The following DCC variants were observed in gnomAD, a reference collection of about 807,000 sequenced individuals.
DCC encodes the protein netrin receptor DCC.
In DCC, 58 loss-of-function variants were observed where a neutral mutation model predicts 172.5. The ratio of observed to expected loss-of-function variants is 0.34; its 90% CI spans 0.27 to 0.42. The LOEUF (loss-of-function observed/expected upper bound fraction) is 0.42, where lower values mean the gene tolerates loss of function less well. DCC is among the 10% of genes least tolerant of loss of function. The probability of loss-of-function intolerance (pLI) is 1.00; values close to 1 mark genes in which losing one functional copy is unlikely to be tolerated. For missense variants in DCC, 1,740 were observed against 1,791.0 expected (o/e 0.97, Z 0.51); for synonymous variants, 709 against 644.5 (o/e 1.10, Z -1.52).
At chr18:53,499,273 A>G (rs1255993660) in intron 26 of DCC, 25 bp from the exon 27 acceptor site, 1 of 1,612,494 alleles carries the variant, frequency 6.2e-7, no homozygotes. Flanking sequence ...GGAATAATGA[A>G]TGACTTTTCT....
intron 15 of DCC, among the ~76,000 whole-genome samples, chr18:53,351,354 G>GTATATATATACTGTA (rs2057799391): frequency 5.4e-5 from 2 of 37,176 alleles, no homozygotes; most frequent in Non-Finnish European, 1.4e-4. Context: ...TATATACACA[G>GTATATATATACTGTA]TATATATATA....
chr18:53,047,428 CATATATATATATATATATATATATAT>C (rs58797605), intron 5 of DCC, among the ~76,000 whole-genome samples: 1 of 50,038 alleles, frequency 2.0e-5, no homozygotes, highest in Non-Finnish European at 4.0e-5. Flanking sequence ...ATATATTTTA[CATATATATATATATATATATATATAT>C]ATATATATAC....
chr18:52,557,314 G>C (rs1300734032), intron 1 of DCC, among the ~76,000 whole-genome samples: 2 of 152,132 alleles, frequency 1.3e-5, no homozygotes, highest in Non-Finnish European at 2.9e-5. Context: ...ACAGTACTTA[G>C]ATTATCCAAA....
Position 53,157,249 on chromosome 18 carries a change from G to A in DCC, c.1262-107G>A, listed in dbSNP as rs1359879908. On this transcript the variant is annotated intron_variant, in intron 7 of 28. Transcript: ENST00000442544. The stretch of plus-strand genomic sequence containing the variant: ...GTTTTCTTCCTTGCTTTAGAATCAA[G>A]GTGACTATGACATGGAGATGCTTGC... 6 of 1,329,310 alleles carry A rather than the reference G, an allele frequency of 4.5e-6. No individual in the cohort carries two copies. The Admixed American group carries it at 6.7e-5, about 15-fold the overall frequency. The allele number at this position is 1,329,310 out of a possible 1,614,324, so 82.3% of individuals were successfully genotyped here.
intron 1 of DCC, among the ~76,000 whole-genome samples, chr18:52,685,918 T>C (rs2035825192): frequency 6.6e-6 from 1 of 152,098 alleles, no homozygotes; most frequent in Admixed American, 6.6e-5. Context: ...AGAAAGATTC[T>C]TATATGGGAG....
At chr18:52,386,084 G>T (rs1189492781) in intron 1 of DCC, among the ~76,000 whole-genome samples, 1 of 152,028 alleles carries the variant, frequency 6.6e-6, no homozygotes, top group Admixed American at 6.6e-5. Flanking sequence ...TCTAGCATAA[G>T]GTCAGAACTC....
chr18:53,131,434 G>A (rs1258674283), intron 7 of DCC, among the ~76,000 whole-genome samples: 2 of 152,120 alleles, frequency 1.3e-5, no homozygotes, highest in East Asian at 3.9e-4. Flanking sequence ...ACAAAGATAA[G>A]TTATAAATTA....
At chr18:52,576,894 T>C (rs1299377460) in intron 1 of DCC, among the ~76,000 whole-genome samples, 1 of 152,122 alleles carries the variant, frequency 6.6e-6, no homozygotes, top group African/African-American at 2.4e-5. Context: ...TATGCATCCT[T>C]CCTGTCCTTC....
At chr18:52,919,458 T>C (rs941658196) in intron 3 of DCC, among the ~76,000 whole-genome samples, 6 of 152,216 alleles carry the variant, frequency 3.9e-5, no homozygotes, top group Non-Finnish European at 7.3e-5. Flanking sequence ...ACCAAACTTA[T>C]TGGGGAAATA....
At chr18:53,354,851 A>G (rs1314593714) in intron 15 of DCC, among the ~76,000 whole-genome samples, 1 of 145,780 alleles carries the variant, frequency 6.9e-6, no homozygotes, top group African/African-American at 2.6e-5. Context: ...GTCCTTGCCC[A>G]TGCCTATGTC....
At chr18:53,285,450 C>T (rs994712599) in intron 12 of DCC, among the ~76,000 whole-genome samples, 6 of 152,194 alleles carry the variant, frequency 3.9e-5, no homozygotes, top group Non-Finnish European at 8.8e-5. Context: ...CGTTTTTAAG[C>T]CTGCAGGTAC....
intron 1 of DCC, among the ~76,000 whole-genome samples, chr18:52,466,344 G>A (rs567592935): frequency 4.1e-4 from 62 of 152,206 alleles, no homozygotes; most frequent in African/African-American, 1.5e-3. Flanking sequence ...TTAAATCAAC[G>A]AAGTACAGCT....
intron 1 of DCC, among the ~76,000 whole-genome samples, chr18:52,673,655 A>C (rs11872367): frequency 0.02 from 3,095 of 152,278 alleles, 53 homozygotes; most frequent in East Asian, 0.052. Flanking sequence ...AGGGGAGTAA[A>C]TAAGGCCTTT....
At chr18:53,096,283 G>A (rs1447821677) in intron 7 of DCC, among the ~76,000 whole-genome samples, 3 of 152,086 alleles carry the variant, frequency 2.0e-5, no homozygotes, top group African/African-American at 7.2e-5. Flanking sequence ...AGGTTACAGC[G>A]AGCTATGATT....
intron 5 of DCC, among the ~76,000 whole-genome samples, chr18:53,055,206 G>T (rs2042387739): frequency 6.6e-6 from 1 of 152,112 alleles, no homozygotes; most frequent in Admixed American, 6.6e-5. Context: ...GTAGCTTAGT[G>T]AATTCATATC....
intron 2 of DCC, among the ~76,000 whole-genome samples, chr18:52,828,761 T>G (rs145387101): frequency 0.01 from 1,534 of 152,298 alleles, 9 homozygotes; most frequent in Non-Finnish European, 0.017. Flanking sequence ...ATCTTTTGGT[T>G]TGGATGCTTC....
intron 2 of DCC, among the ~76,000 whole-genome samples, chr18:52,786,410 T>C (rs899919066): frequency 6.6e-6 from 1 of 151,428 alleles, no homozygotes; most frequent in Admixed American, 6.6e-5. Flanking sequence ...TTTAATGACA[T>C]GTATGATATG....
chr18:52,626,216 T>C (rs1255248737), intron 1 of DCC, among the ~76,000 whole-genome samples: 2 of 152,166 alleles, frequency 1.3e-5, no homozygotes, highest in African/African-American at 2.4e-5. Context: ...CAATTCTTTA[T>C]TTCTCCTCAC....
At chr18:52,853,834 G>T (rs762133409) in intron 2 of DCC, among the ~76,000 whole-genome samples, 76 of 152,150 alleles carry the variant, frequency 5.0e-4, no homozygotes, top group Non-Finnish European at 5.6e-4. Flanking sequence ...GCAAGATGTC[G>T]CAGACAGATG....
Sources: gnomAD v4.1 joint callset for allele counts (sites outside exome capture counted in the v4.1 genomes callset) on GRCh38, gnomAD v4.1.1 for gene constraint, MANE v1.5 for transcripts, NCBI Gene and HGNC (gene_info 2026-07-23, HGNC 2026-07-21) for gene names.